CACNB2: variants seen among roughly 807,000 people sequenced by gnomAD.
CACNB2 encodes voltage-dependent L-type calcium channel subunit beta-2.
A neutral mutation model predicts 73.3 loss-of-function variants in CACNB2; 42 were observed. The observed-to-expected ratio is 0.57, with a 90% CI of 0.45 to 0.74. CACNB2 has a LOEUF of 0.74. Among genes scored for constraint, CACNB2 ranks in the 30% least tolerant of loss-of-function variants. The pLI, the probability that CACNB2 is intolerant of heterozygous loss-of-function variation, is 0.00. For missense variants in CACNB2, 940 were observed against 853.0 expected (o/e 1.10, Z -1.27); for synonymous variants, 348 against 310.3 (o/e 1.12, Z -1.28).
chr10:18,437,463 T>C (rs2046195635), intron 3 of CACNB2, among the ~76,000 whole-genome samples: 1 of 152,190 alleles, frequency 6.6e-6, no homozygotes, highest in Non-Finnish European at 1.5e-5. Context: ...GGTTAACACA[T>C]ATTTTGTGTG....
rs2041136704 is a variant in CACNB2, at chr10:18,339,199, A to T, written c.214-62725A>T. On this transcript the variant is annotated intron_variant, in intron 2 of 13. Transcript: ENST00000324631. The stretch of plus-strand genomic sequence containing the variant: ...CAACAGTTTCATTATATCCTGCTAA[A>T]TATCTAATGTGACTGTACCAGTTTA... Among the ~76,000 whole-genome samples the T allele has an allele frequency of 1.3e-5, 2 of 151,978 alleles. 1 individual carries two copies.
At chr10:18,489,231 A>C (rs1050057996) in intron 3 of CACNB2, among the ~76,000 whole-genome samples, 2 of 151,948 alleles carry the variant, frequency 1.3e-5, no homozygotes, top group African/African-American at 4.8e-5. Flanking sequence ...GAAACAAAAA[A>C]TACAAAAAAT....
chr10:18,220,233 A>AGAGGGGGGGGG (rs2035722390), intron 2 of CACNB2, among the ~76,000 whole-genome samples: 1 of 27,096 alleles, frequency 3.7e-5, no homozygotes, highest in African/African-American at 2.1e-4. Context: ...ATATATATAT[A>AGAGGGGGGGGG]GAGAGAGAGA....
intron 2 of CACNB2, among the ~76,000 whole-genome samples, chr10:18,353,149 T>C (rs1277842): frequency 0.63 from 95,452 of 151,860 alleles, 31,214 homozygotes; most frequent in African/African-American, 0.74. Flanking sequence ...CGGTGGCTCA[T>C]GCCTGTAATC....
chr10:18,206,695 G>A (rs1255111626), intron 2 of CACNB2: 6 of 152,336 alleles, frequency 3.9e-5, no homozygotes, highest in Non-Finnish European at 8.8e-5. Context: ...GTGTGCTCCA[G>A]TCCTCTCCAA....
intron 2 of CACNB2, among the ~76,000 whole-genome samples, chr10:18,338,212 C>T (rs533610566): frequency 1.9e-4 from 29 of 152,130 alleles, no homozygotes; most frequent in South Asian, 4.1e-4. Context: ...ACTCACAGAA[C>T]GGAAAAAAGA....
At chr10:18,163,935 G>T (rs2032660455) in intron 2 of CACNB2, among the ~76,000 whole-genome samples, 2 of 152,162 alleles carry the variant, frequency 1.3e-5, no homozygotes, top group Non-Finnish European at 2.9e-5. Flanking sequence ...GAGTGGAATT[G>T]TGGGAAGGGG....
At chr10:18,301,868 C>T (rs771018980) in intron 2 of CACNB2, among the ~76,000 whole-genome samples, 1 of 151,858 alleles carries the variant, frequency 6.6e-6, no homozygotes, top group Non-Finnish European at 1.5e-5. Context: ...AGGCTGGTCT[C>T]GATCTCCTGA....
chr10:18,502,784 C>T (rs1411160526), intron 5 of CACNB2, among the ~76,000 whole-genome samples: 1 of 140,398 alleles, frequency 7.1e-6, no homozygotes, highest in Non-Finnish European at 1.5e-5. Flanking sequence ...AGGAAGGGAA[C>T]ATAAGACACT....
intron 3 of CACNB2, among the ~76,000 whole-genome samples, chr10:18,493,778 A>G (rs2049607913): frequency 6.6e-6 from 1 of 152,194 alleles, no homozygotes; most frequent in Non-Finnish European, 1.5e-5. Context: ...AATATGGAGA[A>G]TACCTTCCAC....
chr10:18,340,843 G>T, intron 2 of CACNB2: 3 of 1,613,340 alleles, frequency 1.9e-6, no homozygotes, highest in Non-Finnish European at 2.5e-6. Flanking sequence ...GCAAGACTTG[G>T]CTGCCTTTTA....
chr10:18,386,398 GA>G (rs1429778322), intron 2 of CACNB2, among the ~76,000 whole-genome samples: 2 of 97,834 alleles, frequency 2.0e-5, no homozygotes, highest in Non-Finnish European at 4.2e-5. Flanking sequence ...TTTTATTTAT[GA>G]TTTTTTTTTT....
intron 2 of CACNB2, among the ~76,000 whole-genome samples, chr10:18,180,490 T>C (rs2033817976): frequency 6.6e-6 from 1 of 152,024 alleles, no homozygotes; most frequent in African/African-American, 2.4e-5. Flanking sequence ...CCTTGGGTCT[T>C]ACGGTCACAA....
chr10:18,337,070 T>C (rs374225665), intron 2 of CACNB2, among the ~76,000 whole-genome samples: 3 of 152,178 alleles, frequency 2.0e-5, no homozygotes, highest in East Asian at 3.8e-4. Context: ...TAAAAACAAA[T>C]TGGTAGTCCA....
chr10:18,182,251 C>G (rs2033923450), intron 2 of CACNB2: 1 of 151,810 alleles, frequency 6.6e-6, no homozygotes. Flanking sequence ...CACCTGAGGT[C>G]AAGAGTTTGA....
intron 8 of CACNB2, 44 bp downstream of exon 8, chr10:18,518,460 CTTCT>C: frequency 7.6e-7 from 1 of 1,310,996 alleles, no homozygotes. Context: ...GCATGCTGAA[CTTCT>C]TTGTGATGCT....
chr10:18,327,412 T>TTTTG (rs990951162), intron 2 of CACNB2, among the ~76,000 whole-genome samples: 7 of 151,980 alleles, frequency 4.6e-5, no homozygotes, highest in African/African-American at 7.3e-5. Flanking sequence ...GCCCGGTCAT[T>TTTTG]TTTGTTTGTT....
At chr10:18,328,106 T>C (rs1383154468) in intron 2 of CACNB2, among the ~76,000 whole-genome samples, 1 of 152,162 alleles carries the variant, frequency 6.6e-6, no homozygotes, top group Non-Finnish European at 1.5e-5. Flanking sequence ...TTAGAAGTCA[T>C]CAAATGCTGG....
intron 2 of CACNB2, chr10:18,206,880 G>C (rs927846957): frequency 1.3e-5 from 2 of 152,214 alleles, no homozygotes; most frequent in African/African-American, 4.8e-5. Context: ...TGGTGCAGTA[G>C]TTCCCAATTA....
Sources: gnomAD v4.1 joint callset for allele counts (sites outside exome capture counted in the v4.1 genomes callset) on GRCh38, gnomAD v4.1.1 for gene constraint, MANE v1.5 for transcripts, NCBI Gene and HGNC (gene_info 2026-07-23, HGNC 2026-07-21) for gene names.